NKD1: variants seen among roughly 807,000 people sequenced by gnomAD.
NKD1 encodes the protein protein naked cuticle homolog 1.
NKD1 carries 21 observed loss-of-function variants against 56.0 expected under a neutral mutation model. The observed-to-expected ratio is 0.38, with a 90% confidence interval of 0.27 to 0.54. The LOEUF is 0.54. Among genes scored for constraint, NKD1 ranks in the 20% least tolerant of loss-of-function variants. The pLI, the probability that NKD1 is intolerant of heterozygous loss-of-function variation, is 0.82. For synonymous variants in NKD1, 263 were observed against 265.7 expected (o/e 0.99, Z 0.10); for missense variants, 578 against 642.7 (o/e 0.90, Z 1.09).
chr16:50,587,862 G>A (rs940323201), intron 3 of NKD1, among the ~76,000 whole-genome samples: 7 of 152,228 alleles, frequency 4.6e-5, no homozygotes, highest in Non-Finnish European at 1.0e-4. Flanking sequence ...CGTGAACTGT[G>A]CATACAAGGG....
chr16:50,589,865 T>C (rs1180003671), intron 3 of NKD1, among the ~76,000 whole-genome samples: 1 of 147,874 alleles, frequency 6.8e-6, no homozygotes, highest in Non-Finnish European at 1.5e-5. Context: ...TTTCTCTTTT[T>C]GAGACAGGGT....
Position 50,633,061 on chromosome 16 carries a change from T to C in NKD1, c.824-131T>C. The C allele has an allele frequency of 1.3e-6, 1 of 753,086 alleles. No homozygotes were observed. Among genetic ancestry groups the C allele is most frequent in the African/African-American group, 1.9e-5 (1 of 53,380 alleles). 46.7% of individuals were successfully genotyped at this position (753,086 alleles called of 1,614,324 possible). A position where few individuals can be genotyped will look rare whatever the true frequency, so the allele number is the denominator to read the frequency against. On this transcript the variant is annotated intron_variant, in intron 9 of 9. Coordinates refer to ENST00000268459, the MANE Select transcript of NKD1 (RefSeq NM_033119.5). The surrounding 1 kb of genome is among the most constrained non-coding windows in gnomAD (Gnocchi z 4.9). ...TTCAGAGAGTTTTCCTGCAAGGCAG[T>C]GAGGGGCAGTCAGGGCATTGGGGGG...
intron 3 of NKD1, chr16:50,607,053 C>G (rs576682159): frequency 4.4e-6 from 2 of 457,104 alleles, no homozygotes; most frequent in East Asian, 1.4e-4. Flanking sequence ...GGAAGCCATC[C>G]TGACTCGAGG....
At chr16:50,593,056 C>CAAGTTTGTTGTG (rs1457555989) in intron 3 of NKD1, among the ~76,000 whole-genome samples, 93 of 152,152 alleles carry the variant, frequency 6.1e-4, no homozygotes, top group Non-Finnish European at 1.1e-3. Flanking sequence ...TGTGCAAGGA[C>CAAGTTTGTTGTG]TTGGAACGAG....
intron 4 of NKD1, among the ~76,000 whole-genome samples, chr16:50,614,146 C>CCCTG (rs1961911178): frequency 6.6e-6 from 1 of 152,162 alleles, no homozygotes; most frequent in South Asian, 2.1e-4. Context: ...AGAGGGACTG[C>CCCTG]CCTGGGTGAG....
rs1312267095 is a variant in NKD1, at chr16:50,632,336, G to A, written c.751G>A (p.Glu251Lys). 1.2e-6 allele frequency: 2 copies of A among 1,614,150 alleles called. No homozygotes were observed. Among genetic ancestry groups the A allele is most frequent in the East Asian group, 2.2e-5 (1 of 44,880 alleles). Residue 251 changes from glutamate to lysine, a missense_variant, in exon 9 of 10, where the codon GAG (glutamate) becomes AAG (lysine). Physicochemically the swap from Glu to Lys is moderately conservative, Grantham distance 56. Coordinates refer to ENST00000268459, the MANE Select transcript of NKD1 (RefSeq NM_033119.5). This position sits in a 1 kb window ranked among gnomAD's most constrained non-coding sequence, Gnocchi z 4.1. ...QSGCYHHCVD[E>K]NIERRNHYLD... is the part of the protein sequence containing the mutation. ...TGGCTGCTACCACCATTGCGTAGAT[G>A]AGAACATCGAGAGGAGAAACCACTA...
At chr16:50,574,381 G>A (rs1296551950) in intron 3 of NKD1, 1 of 985,288 alleles carries the variant, frequency 1.0e-6, no homozygotes, top group Non-Finnish European at 1.2e-6. Flanking sequence ...AAAGGATGCT[G>A]GGCCTCACTG....
At chr16:50,626,333 G>C (rs182487375) in intron 6 of NKD1, among the ~76,000 whole-genome samples, 1 of 152,364 alleles carries the variant, frequency 6.6e-6, no homozygotes, top group Admixed American at 6.5e-5. Flanking sequence ...ACAAGAGGCA[G>C]ATCCAAACAA....
At chr16:50,613,098 T>G (rs1217960200) in intron 4 of NKD1, among the ~76,000 whole-genome samples, 1 of 152,024 alleles carries the variant, frequency 6.6e-6, no homozygotes, top group African/African-American at 2.4e-5. Flanking sequence ...ACTTTTGGTT[T>G]CAGGAACTAA....
rs1158618327 is a variant in NKD1 at position 50,638,452 on chromosome 16, A to G, written c.*4671A>G. 1 of 152,546 alleles carries G rather than the reference A, an allele frequency of 6.6e-6. No homozygotes were observed. The highest frequency in any genetic ancestry group is 2.4e-5 in the African/African-American group (1 of 41,430). 9.4% of individuals were successfully genotyped at this position (152,546 alleles called of 1,614,324 possible). ...CCAGACCAGCTGCACCCAGCCCCCA[A>G]CACGCACCCCTTCTCCAGATGTGTG... On this transcript the variant is annotated 3_prime_UTR_variant, in exon 10 of 10. Transcript: ENST00000268459.
In NKD1 at chr16:50,635,437, GGA is replaced by G. The variant is rs1340505867; in HGVS notation, c.*1659_*1660del. 6.6e-6 allele frequency: 1 copy of G among 152,196 alleles called. No homozygotes were observed. The highest frequency in any genetic ancestry group is 6.5e-5 in the Admixed American group (1 of 15,280). The allele number at this position is 152,196 out of a possible 1,614,324, so 9.4% of individuals were successfully genotyped here. A position where few individuals can be genotyped will look rare whatever the true frequency, so the allele number is the denominator to read the frequency against. ...AGAGGAGAGTGGAGAGTGAATCTAG[GGA>G]GACTCAAGAGGGAGAAGTGACTCCA... On this transcript the variant is annotated 3_prime_UTR_variant, in exon 10 of 10. Coordinates refer to ENST00000268459, the MANE Select transcript of NKD1 (RefSeq NM_033119.5). This position sits in a 1 kb window ranked among gnomAD's most constrained non-coding sequence, Gnocchi z 4.1.
chr16:50,574,135 A>G (rs1960943004), intron 3 of NKD1: 15 of 896,078 alleles, frequency 1.7e-5, no homozygotes, highest in Non-Finnish European at 2.0e-5. Context: ...GTATTGGGTG[A>G]TAGAACTTGA....
intron 3 of NKD1, chr16:50,574,573 G>T: frequency 1.0e-6 from 1 of 985,396 alleles, no homozygotes; most frequent in Non-Finnish European, 1.2e-6. Flanking sequence ...GATTGATCTT[G>T]TTGGAGTTCA....
intron 3 of NKD1, chr16:50,606,709 G>T (rs1177372679): frequency 4.6e-6 from 2 of 438,080 alleles, no homozygotes; most frequent in Non-Finnish European, 9.5e-6. Flanking sequence ...CCCGGCTGCA[G>T]TGCAGTCAGG....
intron 5 of NKD1, 127 bp downstream of exon 5, chr16:50,621,835 C>T: frequency 2.9e-6 from 2 of 689,560 alleles, no homozygotes; most frequent in Non-Finnish European, 4.9e-6. Context: ...ACAGCACCCT[C>T]TGTGGGAGGT....
At position 50,608,342 on chromosome 16, in the gene NKD1, G is replaced by A. The variant is rs575963707; in HGVS notation, c.241G>A (p.Asp81Asn). ...AGACACGCTCAGCGAGGAAGAGGAG[G>A]ACGACTTTCGGCTGGAAGGTATTCG... Reference protein sequence around the residue: ...LRDTLSEEEEDDFRLEVALPP... With the variant: ...LRDTLSEEEENDFRLEVALPP... The change falls in exon 4 of 10, where the codon GAC (aspartate) becomes AAC (asparagine). Residue 81 changes from aspartate to asparagine, a missense_variant. By Grantham distance (23) the Asp-to-Asn change is conservative. Transcript: ENST00000268459. 2 of 1,613,058 alleles carry A rather than the reference G, an allele frequency of 1.2e-6. No homozygotes were observed. Among genetic ancestry groups the A allele is most frequent in the Non-Finnish European group, 1.7e-6 (2 of 1,179,460 alleles).
chr16:50,560,823 C>T (rs7196245), intron 3 of NKD1, among the ~76,000 whole-genome samples: 35 of 148,658 alleles, frequency 2.4e-4, no homozygotes, highest in African/African-American at 7.2e-4. Flanking sequence ...TACCCAAACC[C>T]ATCTATCTAT....
rs550751593 is a variant in NKD1 at position 50,623,615 on chromosome 16, G to T, written c.367-1870G>T. On this transcript the variant is annotated intron_variant, in intron 5 of 9. Coordinates refer to ENST00000268459, the MANE Select transcript of NKD1 (RefSeq NM_033119.5). This position sits in a 1 kb window ranked among gnomAD's most constrained non-coding sequence, Gnocchi z 4.1. ...CAACTGAGCTGAGAAGCCCAGGTGGGGTGTGGGAGAGGCCTAGGAGACCCG... is the reference window on the plus strand; with the variant it reads ...CAACTGAGCTGAGAAGCCCAGGTGGTGTGTGGGAGAGGCCTAGGAGACCCG... Among the ~76,000 whole-genome samples, 21 of 152,202 alleles carry T rather than the reference G, an allele frequency of 1.4e-4. No individual in the cohort carries two copies. The highest frequency in any genetic ancestry group is 5.1e-4 in the African/African-American group (21 of 41,520).
chr16:50,637,497 G>A lies in NKD1; in HGVS notation c.*3716G>A, dbSNP rs1421848220. The A allele has an allele frequency of 2.6e-5, 4 of 152,210 alleles. No individual in the cohort carries two copies. Among genetic ancestry groups the A allele is most frequent in the Non-Finnish European group, 5.9e-5 (4 of 68,070 alleles). 9.4% of individuals were successfully genotyped at this position (152,210 alleles called of 1,614,324 possible). ...GCACGAGAATCGCTTGAACCTGGGA[G>A]GCAGAGATTGCAGTGAGCTAAGATT... On this transcript the variant is annotated 3_prime_UTR_variant, in exon 10 of 10. Coordinates refer to ENST00000268459, the MANE Select transcript of NKD1 (RefSeq NM_033119.5).
Sources: gnomAD v4.1 joint callset for allele counts (sites outside exome capture counted in the v4.1 genomes callset) on GRCh38, gnomAD v4.1.1 for gene constraint, Gnocchi (gnomAD v3.1) non-coding constraint, MANE v1.5 for transcripts, NCBI Gene and HGNC (gene_info 2026-07-23, HGNC 2026-07-21) for gene names.